RBFOX1: variants seen among roughly 807,000 people sequenced by gnomAD.
The protein encoded by RBFOX1 is RNA binding fox-1 homolog 1.
Under a neutral mutation model 57.7 loss-of-function variants are expected in RBFOX1, and 8 were observed. That is an observed-to-expected ratio of 0.14 (90% confidence interval 0.08 to 0.25). RBFOX1 has a LOEUF of 0.25. RBFOX1 is among the 10% of genes least tolerant of loss of function. The probability of loss-of-function intolerance (pLI) is 1.00; values close to 1 mark genes in which losing one functional copy is unlikely to be tolerated. For missense variants in RBFOX1, 611 were observed against 548.5 expected, an observed-to-expected ratio of 1.11 and a Z score of -1.14; for synonymous variants, 326 against 222.4, an observed-to-expected ratio of 1.47 and a Z score of -4.15.
rs7192597 is a variant in RBFOX1, at chr16:6,986,028, G to C, written c.-15-66029G>C. On this transcript the variant is annotated intron_variant, in intron 3 of 15. Transcript: ENST00000550418. Reference sequence around the variant, plus strand: ...AAACATCTTGCAGAAACTCACTTTAGAGAACCTGCATATCTCCAATTTTTA... The same window carrying C: ...AAACATCTTGCAGAAACTCACTTTACAGAACCTGCATATCTCCAATTTTTA... 2.4e-3 allele frequency among the ~76,000 whole-genome samples: 362 copies of C among 151,438 alleles called. 2 individuals are homozygous for C. The highest frequency in any genetic ancestry group is 8.5e-3 in the African/African-American group (352 of 41,352).
intron 3 of RBFOX1, among the ~76,000 whole-genome samples, chr16:6,866,619 G>A (rs2059972635): frequency 7.5e-6 from 1 of 133,992 alleles, no homozygotes; most frequent in Non-Finnish European, 1.5e-5. Context: ...TCGGCTCACT[G>A]CAAGCTCCGC....
At chr16:6,298,844 T>C (rs1255553626) in intron 1 of RBFOX1, among the ~76,000 whole-genome samples, 1 of 152,204 alleles carries the variant, frequency 6.6e-6, no homozygotes, top group Non-Finnish European at 1.5e-5. Context: ...CCTTTGGATG[T>C]TCATGGAAAA....
At chr16:5,987,668 G>A (rs1159689170) in intron 4 of RBFOX1, among the ~76,000 whole-genome samples, 1 of 152,128 alleles carries the variant, frequency 6.6e-6, no homozygotes, top group Non-Finnish European at 1.5e-5. Flanking sequence ...ATTCCTATGA[G>A]TAGCCACCGT....
At chr16:6,753,452 C>A (rs1204549012) in intron 3 of RBFOX1, among the ~76,000 whole-genome samples, 1 of 152,078 alleles carries the variant, frequency 6.6e-6, no homozygotes, top group African/African-American at 2.4e-5. Flanking sequence ...GCTTTCAGGA[C>A]CGTAGTTGCA....
intron 1 of RBFOX1, among the ~76,000 whole-genome samples, chr16:6,200,728 G>C (rs2097209414): frequency 6.6e-6 from 1 of 152,206 alleles, no homozygotes; most frequent in Non-Finnish European, 1.5e-5. Context: ...CTGAAGGGTT[G>C]TGTCTTGTGT....
At chr16:7,532,287 T>C (rs1245760482) in intron 5 of RBFOX1, among the ~76,000 whole-genome samples, 1 of 152,058 alleles carries the variant, frequency 6.6e-6, no homozygotes, top group Non-Finnish European at 1.5e-5. Flanking sequence ...GGCGGTGACA[T>C]TCATCTGGTG....
intron 13 of RBFOX1, among the ~76,000 whole-genome samples, chr16:7,670,992 A>T (rs1206752643): frequency 2.0e-5 from 3 of 152,132 alleles, no homozygotes; most frequent in African/African-American, 7.2e-5. Flanking sequence ...ACTCATATAT[A>T]CTCACAGTTC....
chr16:6,628,236 C>T (rs2098336232), intron 2 of RBFOX1, among the ~76,000 whole-genome samples: 1 of 152,170 alleles, frequency 6.6e-6, no homozygotes, highest in Admixed American at 6.5e-5. Flanking sequence ...AATGTGTACT[C>T]AATGACAGCC....
intron 2 of RBFOX1, among the ~76,000 whole-genome samples, chr16:5,481,501 A>G (rs116387859): frequency 1.1e-3 from 171 of 152,282 alleles, no homozygotes; most frequent in African/African-American, 3.8e-3. Flanking sequence ...TCTTGTTACT[A>G]CTTGTCTGTA....
At chr16:5,562,279 A>C (rs2045915693) in intron 2 of RBFOX1, among the ~76,000 whole-genome samples, 1 of 152,236 alleles carries the variant, frequency 6.6e-6, no homozygotes, top group Non-Finnish European at 1.5e-5. Context: ...AGTAGGACCC[A>C]GAGCCTCCAG....
At chr16:5,473,974 G>A (rs2069230431) in intron 2 of RBFOX1, among the ~76,000 whole-genome samples, 1 of 151,790 alleles carries the variant, frequency 6.6e-6, no homozygotes, top group Non-Finnish European at 1.5e-5. Flanking sequence ...TGGATGGATG[G>A]TACACAGATG....
chr16:7,449,794 C>G (rs188290711), intron 4 of RBFOX1, among the ~76,000 whole-genome samples: 9 of 149,664 alleles, frequency 6.0e-5, no homozygotes, highest in Non-Finnish European at 1.0e-4. Flanking sequence ...GCAGAAAACA[C>G]TGCTTCTGTG....
At chr16:6,573,511 T>A (rs1398967065) in intron 2 of RBFOX1, among the ~76,000 whole-genome samples, 1 of 152,216 alleles carries the variant, frequency 6.6e-6, no homozygotes, top group African/African-American at 2.4e-5. Context: ...TTCTTCTGAT[T>A]TACTGTGAGT....
At chr16:5,618,397 G>A (rs1760661136) in intron 3 of RBFOX1, among the ~76,000 whole-genome samples, 1 of 152,090 alleles carries the variant, frequency 6.6e-6, no homozygotes, top group Admixed American at 6.5e-5. Flanking sequence ...CAGTGCAGTG[G>A]TGCGATCTCG....
chr16:6,379,517 GA>G (rs563396031), intron 2 of RBFOX1, among the ~76,000 whole-genome samples: 42 of 152,102 alleles, frequency 2.8e-4, no homozygotes, highest in African/African-American at 8.9e-4. Flanking sequence ...AGAACCCACT[GA>G]AAAAAACTGA....
intron 2 of RBFOX1, among the ~76,000 whole-genome samples, chr16:6,487,340 G>A (rs111764447): frequency 6.6e-6 from 1 of 152,174 alleles, no homozygotes; most frequent in Non-Finnish European, 1.5e-5. Context: ...AAATTTCAAA[G>A]TGTTCTTTCT....
chr16:5,753,378 GC>G (rs2053281666), intron 3 of RBFOX1, among the ~76,000 whole-genome samples: 1 of 152,082 alleles, frequency 6.6e-6, no homozygotes, highest in East Asian at 1.9e-4. Flanking sequence ...TTATTTTACT[GC>G]TTATACTCAA....
chr16:7,171,896 T>G (rs1041911035), intron 4 of RBFOX1, among the ~76,000 whole-genome samples: 1 of 152,144 alleles, frequency 6.6e-6, no homozygotes, highest in Non-Finnish European at 1.5e-5. Flanking sequence ...TGAGTACCAC[T>G]TAAGAGAGGA....
At chr16:6,933,777 T>G (rs968780288) in intron 3 of RBFOX1, among the ~76,000 whole-genome samples, 4 of 152,198 alleles carry the variant, frequency 2.6e-5, no homozygotes, top group African/African-American at 9.7e-5. Context: ...GGTCAGAACA[T>G]TTTCCAAACT....
Sources: allele counts gnomAD v4.1 joint callset (sites outside exome capture counted in the v4.1 genomes callset), GRCh38; gene constraint gnomAD v4.1.1; transcripts MANE v1.5; gene names NCBI Gene and HGNC (gene_info 2026-07-23, HGNC 2026-07-21).